Variants in CACNA1C observed in about 807,000 individuals in gnomAD.
The protein encoded by CACNA1C is calcium voltage-gated channel subunit alpha1 C.
A neutral mutation model predicts 229.0 loss-of-function variants in CACNA1C; 30 were observed. The ratio of observed to expected loss-of-function variants is 0.13; its 90% CI spans 0.10 to 0.18. The LOEUF (loss-of-function observed/expected upper bound fraction) is 0.18, where lower values mean the gene tolerates loss of function less well. Among genes scored for constraint, CACNA1C ranks in the 10% least tolerant of loss-of-function variants. The pLI, the probability that CACNA1C is intolerant of heterozygous loss-of-function variation, is 1.00. For missense variants in CACNA1C, 1,658 were observed against 2,845.0 expected (o/e 0.58, Z 9.49); for synonymous variants, 1,114 against 1,132.5 (o/e 0.98, Z 0.33).
intron 3 of CACNA1C, among the ~76,000 whole-genome samples, chr12:2,235,849 T>C (rs147424425): frequency 9.0e-4 from 137 of 152,280 alleles, no homozygotes; most frequent in Non-Finnish European, 1.1e-3. Context: ...GCATCCATCC[T>C]CCCATCTGCC....
chr12:2,305,704 A>G (rs1429575834), intron 3 of CACNA1C, among the ~76,000 whole-genome samples: 2 of 152,206 alleles, frequency 1.3e-5, no homozygotes, highest in Admixed American at 6.5e-5. Flanking sequence ...TTAGCTGGCC[A>G]TGGTGGTGCA....
Position 2,689,454 on chromosome 12 carries a change from G to A in CACNA1C, c.6117+675G>A, listed in dbSNP as rs998352702. Among the ~76,000 whole-genome samples, 1 of 152,096 alleles carries A rather than the reference G, an allele frequency of 6.6e-6. No individual in the cohort carries two copies. Among genetic ancestry groups the A allele is most frequent in the East Asian group, 1.9e-4 (1 of 5,176 alleles). ...AGGGTGCGATACACCTCTCACACCTGCAACGGGTGGGATGGGGAAAGGGTG... is the reference window on the plus strand; with the variant it reads ...AGGGTGCGATACACCTCTCACACCTACAACGGGTGGGATGGGGAAAGGGTG... On this transcript the variant is annotated intron_variant, in intron 46 of 46. Transcript: ENST00000399655. This position sits in a 1 kb window ranked among gnomAD's most constrained non-coding sequence, Gnocchi z 4.2.
chr12:2,566,450 T>C lies in CACNA1C; in HGVS notation c.1537T>C (p.Cys513Arg). 2 of 1,597,194 alleles carry C rather than the reference T, an allele frequency of 1.3e-6. No individual in the cohort carries two copies. Among genetic ancestry groups the C allele is most frequent in the Non-Finnish European group, 1.7e-6 (2 of 1,171,820 alleles). ...SRYWRRWNRF[C>R]RRKCRAAVKS... ...CTACTGGCGCCGGTGGAATCGGTTCTGCAGAAGGAAGTGCCGCGCCGCAGT... is the reference window on the plus strand; with the variant it reads ...CTACTGGCGCCGGTGGAATCGGTTCCGCAGAAGGAAGTGCCGCGCCGCAGT... Residue 513 changes from cysteine (C) to arginine (R), a missense_variant, in exon 12 of 47, where the codon TGC becomes CGC. Around this residue, in one of 20 missense-constraint regions of CACNA1C, gnomAD observed 149 missense variants for 194.2 expected, o/e 0.77. Coordinates refer to ENST00000399655, the MANE Select transcript of CACNA1C (RefSeq NM_000719.7). This position sits in a 1 kb window ranked among gnomAD's most constrained non-coding sequence, Gnocchi z 4.0.
rs2095257133 is a variant in CACNA1C, at chr12:2,653,783, C to T, written c.4075-52C>T. ...ATGCGGCGCTCCCTGGGAAGGGGCC[C>T]AGCTGGCCTCTGCACTCCAGCCTCA... is the stretch of plus-strand genomic sequence containing the variant. On this transcript the variant is annotated intron_variant, in intron 32 of 46. Coordinates refer to ENST00000399655, the MANE Select transcript of CACNA1C (RefSeq NM_000719.7). This position sits in a 1 kb window ranked among gnomAD's most constrained non-coding sequence, Gnocchi z 4.7. 2.6e-6 allele frequency: 4 copies of T among 1,520,018 alleles called. No homozygotes were observed. The highest frequency in any genetic ancestry group is 2.3e-5 in the South Asian group (2 of 88,630). 94.2% of individuals were successfully genotyped at this position (1,520,018 alleles called of 1,614,324 possible).
chr12:2,207,235 C>T (rs1309879562), intron 3 of CACNA1C, among the ~76,000 whole-genome samples: 3 of 152,186 alleles, frequency 2.0e-5, no homozygotes, highest in Non-Finnish European at 4.4e-5. Flanking sequence ...CTGGACTCTT[C>T]CCTTCCCTTT....
At chr12:2,414,934 C>T (rs532674927) in intron 3 of CACNA1C, among the ~76,000 whole-genome samples, 8 of 152,216 alleles carry the variant, frequency 5.3e-5, no homozygotes, top group Non-Finnish European at 8.8e-5. Context: ...CCCAGGGGAC[C>T]CAAAACAGGG....
chr12:1,976,011 A>T (rs2034237013), intron 1 of CACNA1C, among the ~76,000 whole-genome samples: 1 of 152,182 alleles, frequency 6.6e-6, no homozygotes, highest in Admixed American at 6.5e-5. Context: ...ACACAGAAAA[A>T]TAGAAATACG....
At chr12:2,397,747 G>T (rs1567448399) in intron 3 of CACNA1C, among the ~76,000 whole-genome samples, 1 of 152,236 alleles carries the variant, frequency 6.6e-6, no homozygotes. Context: ...TCTGCAGAGG[G>T]CATCCTGCTG....
At chr12:2,278,374 C>T (rs369737836) in intron 3 of CACNA1C, among the ~76,000 whole-genome samples, 1 of 152,192 alleles carries the variant, frequency 6.6e-6, no homozygotes, top group East Asian at 1.9e-4. Flanking sequence ...CCATCACTCC[C>T]AAAAGTTTCC....
intron 1 of CACNA1C, among the ~76,000 whole-genome samples, chr12:2,003,907 C>T (rs954852905): frequency 5.3e-5 from 8 of 152,266 alleles, no homozygotes; most frequent in African/African-American, 1.9e-4. Flanking sequence ...TCCCTGCCTC[C>T]CCCATAGCCA....
At chr12:2,264,922 C>T (rs1376906698) in intron 3 of CACNA1C, among the ~76,000 whole-genome samples, 1 of 152,216 alleles carries the variant, frequency 6.6e-6, no homozygotes, top group Admixed American at 6.5e-5. Context: ...CCCTATCCTG[C>T]GTTGGCTCCT....
At chr12:2,638,447 C>G (rs2093175712) in intron 30 of CACNA1C, among the ~76,000 whole-genome samples, 1 of 151,856 alleles carries the variant, frequency 6.6e-6, no homozygotes, top group Non-Finnish European at 1.5e-5. Flanking sequence ...CTAACAGGTT[C>G]CACTTTTGGG....
At chr12:1,999,108 G>C (rs4405378) in intron 1 of CACNA1C, among the ~76,000 whole-genome samples, 1 of 152,186 alleles carries the variant, frequency 6.6e-6, no homozygotes, top group Non-Finnish European at 1.5e-5. Context: ...GAACTTATTA[G>C]AAATGCAAGC....
chr12:2,545,440 A>T (rs1335948681), intron 9 of CACNA1C, among the ~76,000 whole-genome samples: 1 of 151,924 alleles, frequency 6.6e-6, no homozygotes, highest in African/African-American at 2.4e-5. Context: ...TATGCTCCTC[A>T]TCTTCTTTGC....
chr12:2,230,429 C>T (rs911556997), intron 3 of CACNA1C, among the ~76,000 whole-genome samples: 3 of 152,194 alleles, frequency 2.0e-5, no homozygotes, highest in Non-Finnish European at 2.9e-5. Flanking sequence ...AGCCCTCTGC[C>T]GGCGAGGAAC....
chr12:2,514,561 T>C (rs2099792033), intron 9 of CACNA1C, among the ~76,000 whole-genome samples: 1 of 152,080 alleles, frequency 6.6e-6, no homozygotes, highest in South Asian at 2.1e-4. Flanking sequence ...CTGAGTGGTA[T>C]GGTAAATAAA....
intron 9 of CACNA1C, among the ~76,000 whole-genome samples, chr12:2,522,460 A>T (rs1373837391): frequency 6.6e-6 from 1 of 152,196 alleles, no homozygotes; most frequent in Non-Finnish European, 1.5e-5. Flanking sequence ...TGCTCATGGT[A>T]GCCCCCAGAG....
chr12:2,136,127 C>T (rs577767007), intron 3 of CACNA1C, among the ~76,000 whole-genome samples: 5 of 151,410 alleles, frequency 3.3e-5, no homozygotes, highest in African/African-American at 7.2e-5. Flanking sequence ...TGACCGCTTG[C>T]GCTTCCCAGG....
chr12:2,136,712 G>A (rs972153047), intron 3 of CACNA1C, among the ~76,000 whole-genome samples: 6 of 151,104 alleles, frequency 4.0e-5, no homozygotes, highest in Non-Finnish European at 5.9e-5. Flanking sequence ...AAGCATAAGG[G>A]GTAGGCAAAG....
Sources: gnomAD v4.1 joint callset for allele counts (sites outside exome capture counted in the v4.1 genomes callset) on GRCh38, gnomAD v4.1.1 for gene constraint, gnomAD v4.1.1 regional missense constraint, Gnocchi (gnomAD v3.1) non-coding constraint, MANE v1.5 for transcripts, NCBI Gene and HGNC (gene_info 2026-07-23, HGNC 2026-07-21) for gene names.